The following FRMD6 variants were observed in gnomAD, a reference collection of about 807,000 sequenced individuals.
FRMD6 encodes FERM domain-containing protein 6.
FRMD6 carries 37 observed loss-of-function variants against 73.2 expected under a neutral mutation model. That is an observed-to-expected ratio of 0.51 (90% CI 0.39 to 0.66). FRMD6 has a LOEUF of 0.66. Among genes scored for constraint, FRMD6 ranks in the 30% least tolerant of loss-of-function variants. The pLI is 0.00. For synonymous variants in FRMD6, 273 were observed against 282.2 expected (o/e 0.97, Z 0.33); for missense variants, 714 against 780.5 (o/e 0.91, Z 1.02).
intron 1 of FRMD6, among the ~76,000 whole-genome samples, chr14:51,552,648 CAGG>C (rs1335365207): frequency 2.0e-5 from 3 of 152,156 alleles, no homozygotes; most frequent in Admixed American, 2.0e-4. Context: ...TTTCTTTCTT[CAGG>C]AGAAGTAAAA....
At chr14:51,576,626 T>A (rs1274611904) in intron 2 of FRMD6, among the ~76,000 whole-genome samples, 1 of 152,152 alleles carries the variant, frequency 6.6e-6, no homozygotes, top group East Asian at 1.9e-4. Context: ...TAAGCTCACG[T>A]TCTTCATCTT....
At chr14:51,557,249 T>C (rs1348148295) in intron 1 of FRMD6, among the ~76,000 whole-genome samples, 1 of 6,322 alleles carries the variant, frequency 1.6e-4, no homozygotes, top group African/African-American at 2.0e-3. Context: ...ATGTGACATA[T>C]ATATATATAT....
At chr14:51,574,800 A>T (rs777571448) in intron 2 of FRMD6, among the ~76,000 whole-genome samples, 14 of 152,206 alleles carry the variant, frequency 9.2e-5, no homozygotes, top group Non-Finnish European at 1.6e-4. Context: ...TTTATTGTAT[A>T]CTTTAAAATA....
At chr14:51,504,148 T>G (rs1227337738) in intron 1 of FRMD6, among the ~76,000 whole-genome samples, 1 of 152,212 alleles carries the variant, frequency 6.6e-6, no homozygotes, top group African/African-American at 2.4e-5. Context: ...AGCTTTCTGT[T>G]TGTTTTTCTT....
intron 2 of FRMD6, among the ~76,000 whole-genome samples, chr14:51,610,328 C>G (rs1890439170): frequency 1.3e-5 from 1 of 77,164 alleles, no homozygotes; most frequent in Non-Finnish European, 2.9e-5. Context: ...TTTTTTAATC[C>G]CTTTTTTTTT....
At position 51,727,830 on chromosome 14, in the gene FRMD6, G is replaced by A. The variant is rs372367254; in HGVS notation, c.1670G>A (p.Arg557His). Residue 557 changes from arginine to histidine, a missense_variant, in exon 14 of 14, where the codon CGC becomes CAC. Coordinates refer to ENST00000344768, the MANE Select transcript of FRMD6 (RefSeq NM_001267046.2). Reference protein sequence around the residue: ...DIRLYQKDFLRIAGLCQDTAQ... With the variant: ...DIRLYQKDFLHIAGLCQDTAQ... Reference sequence around the variant, plus strand: ...AGACTTTACCAGAAAGACTTCCTGCGCATTGCAGGTCTGTGTCAGGACACT... The same window carrying A: ...AGACTTTACCAGAAAGACTTCCTGCACATTGCAGGTCTGTGTCAGGACACT... The A allele has an allele frequency of 1.9e-5, 31 of 1,613,968 alleles. 1 individual carries two copies. Among genetic ancestry groups the A allele is most frequent in the South Asian group, 1.1e-4 (10 of 91,084 alleles).
chr14:51,646,853 C>T (rs778117900), intron 2 of FRMD6, among the ~76,000 whole-genome samples: 12 of 151,880 alleles, frequency 7.9e-5, no homozygotes, highest in Non-Finnish European at 1.5e-4. Flanking sequence ...CTAGCACTGC[C>T]TTGCCGCTAT....
intron 2 of FRMD6, among the ~76,000 whole-genome samples, chr14:51,624,263 T>A (rs529573622): frequency 1.6e-4 from 24 of 152,298 alleles, no homozygotes; most frequent in Middle Eastern, 3.4e-3. Context: ...TGCTTACCTA[T>A]GTAACAAACC....
At chr14:51,626,335 T>G (rs1368680460) in intron 2 of FRMD6, among the ~76,000 whole-genome samples, 1 of 152,134 alleles carries the variant, frequency 6.6e-6, no homozygotes, top group Non-Finnish European at 1.5e-5. Flanking sequence ...AAGATAAATA[T>G]TTGTTCAAGA....
At chr14:51,535,646 T>C (rs1566798983) in intron 1 of FRMD6, among the ~76,000 whole-genome samples, 1 of 152,268 alleles carries the variant, frequency 6.6e-6, no homozygotes, top group Admixed American at 6.5e-5. Context: ...ATTTGGGTTG[T>C]TTCCATTGTT....
At chr14:51,581,959 G>A (rs1023112072) in intron 2 of FRMD6, among the ~76,000 whole-genome samples, 1 of 152,174 alleles carries the variant, frequency 6.6e-6, no homozygotes, top group East Asian at 1.9e-4. Flanking sequence ...CCTCTGTTGT[G>A]AATATTAAAT....
At chr14:51,551,772 T>G (rs1886854261) in intron 1 of FRMD6, among the ~76,000 whole-genome samples, 1 of 151,792 alleles carries the variant, frequency 6.6e-6, no homozygotes, top group Non-Finnish European at 1.5e-5. Context: ...ATATAATATA[T>G]GTAATACATT....
the FRMD6 span, among the ~76,000 whole-genome samples, chr14:51,411,841 G>A: frequency 6.6e-6 from 1 of 152,156 alleles, no homozygotes; most frequent in Non-Finnish European, 1.5e-5. Flanking sequence ...TGTACAATTT[G>A]TGCTTTTTGG....
chr14:51,429,426 T>C, the FRMD6 span, among the ~76,000 whole-genome samples: 1 of 25,812 alleles, frequency 3.9e-5, no homozygotes, highest in South Asian at 1.4e-3. Flanking sequence ...TCATGAAGAT[T>C]TTTTTTTGTT....
At chr14:51,517,863 C>T (rs17124069) in intron 1 of FRMD6, among the ~76,000 whole-genome samples, 17,808 of 130,030 alleles carry the variant, frequency 0.14, 1,159 homozygotes, top group East Asian at 0.28. Flanking sequence ...GAAGCTTGAA[C>T]GGGGGTGATG....
chr14:51,406,825 A>G, the FRMD6 span, among the ~76,000 whole-genome samples: 1 of 152,148 alleles, frequency 6.6e-6, no homozygotes, highest in Non-Finnish European at 1.5e-5. Flanking sequence ...CATTTTCTCT[A>G]TGAAGGCCTT....
the FRMD6 span, among the ~76,000 whole-genome samples, chr14:51,463,277 T>C: frequency 6.6e-6 from 1 of 152,240 alleles, no homozygotes; most frequent in East Asian, 1.9e-4. Flanking sequence ...CAAGAATTGG[T>C]CAAGTCTGTG....
intron 1 of FRMD6, among the ~76,000 whole-genome samples, chr14:51,550,359 C>A (rs1174499427): frequency 6.6e-6 from 1 of 152,204 alleles, no homozygotes; most frequent in African/African-American, 2.4e-5. Context: ...CCCACCTCAG[C>A]CTCCCAAATG....
At chr14:51,400,555 T>C in the FRMD6 span, among the ~76,000 whole-genome samples, 3 of 152,226 alleles carry the variant, frequency 2.0e-5, no homozygotes, top group African/African-American at 7.2e-5. Context: ...TCTAAAAATT[T>C]CAATCTGTTT....
Sources: gnomAD v4.1 joint callset for allele counts (sites outside exome capture counted in the v4.1 genomes callset) on GRCh38, gnomAD v4.1.1 for gene constraint, MANE v1.5 for transcripts, NCBI Gene and HGNC (gene_info 2026-07-23, HGNC 2026-07-21) for gene names.